Variants in PCDHGB3 observed in about 807,000 individuals in gnomAD.
PCDHGB3 encodes the protein protocadherin gamma-B3.
PCDHGB3 carries 40 observed loss-of-function variants against 59.2 expected under a neutral mutation model. The observed-to-expected ratio is 0.68, with a 90% CI of 0.52 to 0.88. PCDHGB3 has a LOEUF of 0.88. Among genes scored for constraint, PCDHGB3 ranks in the 40% least tolerant of loss-of-function variants. PCDHGB3 has a pLI of 0.00. For synonymous variants in PCDHGB3, 581 were observed against 503.6 expected (o/e 1.15, Z -2.06); for missense variants, 1,309 against 1,187.9 (o/e 1.10, Z -1.50).
At position 141,481,880 on chromosome 5, in the gene PCDHGB3, C is replaced by T. The variant is rs555652518; in HGVS notation, c.2416-12927C>T. Among the ~76,000 whole-genome samples, 5 of 145,406 alleles carry T rather than the reference C, an allele frequency of 3.4e-5. No individual in the cohort carries two copies. The East Asian group carries it at 1.0e-3, about 29-fold the overall frequency. On this transcript the variant is annotated intron_variant, in intron 1 of 3. Transcript: ENST00000576222. ...AGTGAGCCGAGATCGCGCCACTGCA[C>T]TCCAGCCTGGGTGAAAGAGCGAAAC...
Position 141,487,246 on chromosome 5 carries a change from C to T in PCDHGB3, c.2416-7561C>T. 1 of 1,614,166 alleles carries T rather than the reference C, an allele frequency of 6.2e-7. No individual in the cohort carries two copies. The highest frequency in any genetic ancestry group is 8.5e-7 in the Non-Finnish European group (1 of 1,180,014). ...GGGAAGGAGAATCTCGTCTAACCCTCTACTTGGCTGTGTCCCTAGTGGCAA... is the reference window on the plus strand; with the variant it reads ...GGGAAGGAGAATCTCGTCTAACCCTTTACTTGGCTGTGTCCCTAGTGGCAA... On this transcript the variant is annotated intron_variant, in intron 1 of 3. Coordinates refer to ENST00000576222, the MANE Select transcript of PCDHGB3 (RefSeq NM_018924.5). This position sits in a 1 kb window ranked among gnomAD's most constrained non-coding sequence, Gnocchi z 5.0.
intron 1 of PCDHGB3, chr5:141,417,066 T>C (rs1373522268): frequency 6.6e-6 from 1 of 152,110 alleles, no homozygotes; most frequent in Non-Finnish European, 1.5e-5. Context: ...ACATTGTAGC[T>C]ATTGTGAGAA....
At chr5:141,483,640 G>T (rs1406049976) in intron 1 of PCDHGB3, among the ~76,000 whole-genome samples, 3 of 144,232 alleles carry the variant, frequency 2.1e-5, no homozygotes, top group Non-Finnish European at 4.5e-5. Flanking sequence ...GTATAGAGGG[G>T]TGTGTGTTTG....
At chr5:141,399,092 G>T (rs573118488) in intron 1 of PCDHGB3, 2 of 1,613,810 alleles carry the variant, frequency 1.2e-6, no homozygotes, top group Non-Finnish European at 1.7e-6. Context: ...GATGGTGGTG[G>T]ACTGGTTGCA....
At chr5:141,403,772 A>G in intron 1 of PCDHGB3, 1 of 1,613,960 alleles carries the variant, frequency 6.2e-7, no homozygotes, top group Middle Eastern at 1.7e-4. Flanking sequence ...TGAGGGAATC[A>G]ACGGAAAAGT....
rs771459458 is a variant in PCDHGB3 at position 141,394,997 on chromosome 5, C to A, written c.2415+22188C>A. On this transcript the variant is annotated intron_variant, in intron 1 of 3. Coordinates refer to ENST00000576222, the MANE Select transcript of PCDHGB3 (RefSeq NM_018924.5). The stretch of plus-strand genomic sequence containing the variant: ...ACAAGTCACGCCTGCTCCAGGATTC[C>A]GGTGGCAGATTGGTAGGCGTGCCTG... 4 of 1,614,016 alleles carry A rather than the reference C, an allele frequency of 2.5e-6. No individual in the cohort carries two copies. In the South Asian group the frequency reaches 3.3e-5, roughly 13 times the overall value.
chr5:141,415,506 C>G, intron 1 of PCDHGB3: 1 of 1,614,148 alleles, frequency 6.2e-7, no homozygotes, highest in Non-Finnish European at 8.5e-7. Flanking sequence ...TCCCCCAGCC[C>G]AATTATGCGG....
At chr5:141,478,870 G>A (rs1463992722) in intron 1 of PCDHGB3, 6 of 1,273,242 alleles carry the variant, frequency 4.7e-6, no homozygotes, top group Non-Finnish European at 5.2e-6. Flanking sequence ...AGCGATCAGA[G>A]TTTAGCTTGG....
Position 141,489,084 on chromosome 5 carries a change from C to CCG in PCDHGB3, c.2416-5723_2416-5722insCG. On this transcript the variant is annotated intron_variant, in intron 1 of 3. Coordinates refer to ENST00000576222, the MANE Select transcript of PCDHGB3 (RefSeq NM_018924.5). The surrounding 1 kb of genome is among the most constrained non-coding windows in gnomAD (Gnocchi z 4.5). ...CTCCCCCCTGCCCACCCCCGCCACT[C>CCG]GGTGACTAAGAACTGCTGCAAGCAG... 9.1e-6 allele frequency: 3 copies of CCG among 329,130 alleles called. No individual in the cohort carries two copies. The highest frequency in any genetic ancestry group is 5.4e-6 in the Non-Finnish European group (1 of 186,464). The allele number at this position is 329,130 out of a possible 1,614,324, so 20.4% of individuals were successfully genotyped here. A position where few individuals can be genotyped will look rare whatever the true frequency, so the allele number is the denominator to read the frequency against.
intron 1 of PCDHGB3, chr5:141,426,713 AC>A: frequency 2.2e-6 from 1 of 445,196 alleles, no homozygotes; most frequent in Middle Eastern, 3.3e-4. Flanking sequence ...AAATCAATGA[AC>A]TAGCAATTCC....
At chr5:141,444,725 T>C (rs1178418239) in intron 1 of PCDHGB3, among the ~76,000 whole-genome samples, 1 of 152,370 alleles carries the variant, frequency 6.6e-6, no homozygotes, top group East Asian at 1.9e-4. Flanking sequence ...TTGGTGCCTT[T>C]GTTGAAAGTC....
In PCDHGB3 at chr5:141,431,129, A is replaced by G. The variant is rs771219303; in HGVS notation, c.2415+58320A>G. The G allele has an allele frequency of 7.4e-6, 12 of 1,614,152 alleles. No homozygotes were observed. The Admixed American group carries it at 1.7e-4, about 22-fold the overall frequency. Reference sequence around the variant, plus strand: ...AATATATGGAGTAGAAGTAGAAGTAAGGGACATTAACGACAATGCGCCTTA... The same window carrying G: ...AATATATGGAGTAGAAGTAGAAGTAGGGGACATTAACGACAATGCGCCTTA... On this transcript the variant is annotated intron_variant, in intron 1 of 3. Coordinates refer to ENST00000576222, the MANE Select transcript of PCDHGB3 (RefSeq NM_018924.5). The surrounding 1 kb of genome is among the most constrained non-coding windows in gnomAD (Gnocchi z 4.8).
At chr5:141,408,815 C>T (rs770899981) in intron 1 of PCDHGB3, 1 of 1,613,406 alleles carries the variant, frequency 6.2e-7, no homozygotes, top group Non-Finnish European at 8.5e-7. Flanking sequence ...CCGGGAAGAA[C>T]AGAGATCTCA....
chr5:141,408,144 G>C (rs868032463), intron 1 of PCDHGB3: 4 of 1,496,186 alleles, frequency 2.7e-6, no homozygotes, highest in East Asian at 2.5e-5. Context: ...CTTTTAGCGC[G>C]GTAGAGTGCA....
At chr5:141,475,871 A>G (rs568810142) in intron 1 of PCDHGB3, 17 of 513,152 alleles carry the variant, frequency 3.3e-5, no homozygotes, top group Middle Eastern at 5.1e-4. Context: ...TTCTTCGTGC[A>G]GTTATTGGCT....
rs368718827 is a variant in PCDHGB3, at chr5:141,410,231, G to A, written c.2415+37422G>A. On this transcript the variant is annotated intron_variant, in intron 1 of 3. Transcript: ENST00000576222. ...GCAAGAGATACTGCCAGACCTCAGC[G>A]ACCGCCCTGTACTCTCTGACCCCCA... 8.7e-6 allele frequency: 14 copies of A among 1,613,888 alleles called. No homozygotes were observed. The highest frequency in any genetic ancestry group is 1.6e-4 in the Middle Eastern group (1 of 6,084).
At chr5:141,389,609 G>A (rs1188923316) in intron 1 of PCDHGB3, 3 of 1,612,966 alleles carry the variant, frequency 1.9e-6, no homozygotes, top group South Asian at 2.2e-5. Flanking sequence ...TCTTCGATAT[G>A]GTGCCGCACG....
At position 141,491,413 on chromosome 5, in the gene PCDHGB3, G is replaced by A. The variant is rs1193417991; in HGVS notation, c.2416-3394G>A. 5.6e-6 allele frequency: 9 copies of A among 1,613,946 alleles called. No individual in the cohort carries two copies. Among genetic ancestry groups the A allele is most frequent in the Non-Finnish European group, 7.6e-6 (9 of 1,179,986 alleles). On this transcript the variant is annotated intron_variant, in intron 1 of 3. Transcript: ENST00000576222. The surrounding 1 kb of genome is among the most constrained non-coding windows in gnomAD (Gnocchi z 6.9). Reference sequence around the variant, plus strand: ...CCTTCAGGGAAACGCAGACGGGGACGGGGGTGGAGGGCAGTGCTGCAGGCG... The same window carrying A: ...CCTTCAGGGAAACGCAGACGGGGACAGGGGTGGAGGGCAGTGCTGCAGGCG...
intron 1 of PCDHGB3, chr5:141,417,858 C>A (rs561149517): frequency 1.3e-6 from 2 of 1,547,240 alleles, no homozygotes; most frequent in African/African-American, 1.4e-5. Context: ...CCCGAGCGAA[C>A]GATGGGAGGG....
Sources: gnomAD v4.1 joint callset for allele counts (sites outside exome capture counted in the v4.1 genomes callset) on GRCh38, gnomAD v4.1.1 for gene constraint, Gnocchi (gnomAD v3.1) non-coding constraint, MANE v1.5 for transcripts, NCBI Gene and HGNC (gene_info 2026-07-23, HGNC 2026-07-21) for gene names.